The following CNP variants were observed in gnomAD, a reference collection of about 807,000 sequenced individuals.
The protein encoded by CNP is 2',3'-cyclic nucleotide 3' phosphodiesterase.
Under a neutral mutation model 37.9 loss-of-function variants are expected in CNP, and 8 were observed. That is an observed-to-expected ratio of 0.21 (90% CI 0.12 to 0.38). The LOEUF (loss-of-function observed/expected upper bound fraction) is 0.38. Among genes scored for constraint, CNP ranks in the 10% least tolerant of loss-of-function variants. The pLI, the probability that CNP is intolerant of heterozygous loss-of-function variation, is 1.00. For synonymous variants in CNP, 237 were observed against 238.3 expected (o/e 0.99, Z 0.05); for missense variants, 457 against 551.0 (o/e 0.83, Z 1.71).
rs2050998061 is a variant in CNP, at chr17:41,972,043, C to T, written c.816+12C>T. ...ACGCTCAACAAGATGTGAGTCTTCC[C>T]CAGGGACACATGGGGGAGGTGGGAG... On this transcript the variant is annotated intron_variant, in intron 3 of 3. Coordinates refer to ENST00000393892, the MANE Select transcript of CNP (RefSeq NM_033133.5). 1.2e-6 allele frequency: 2 copies of T among 1,612,808 alleles called. No homozygotes were observed.
rs1290231146 is a variant in CNP, at chr17:41,974,885, G to C, written c.*961G>C. ...CCATCTTGCCTCCATGGTGCCTCTG[G>C]AGGCCTCTGGGCCTCCTCTAACAGG... is the stretch of plus-strand genomic sequence containing the variant. On this transcript the variant is annotated 3_prime_UTR_variant, in exon 4 of 4. Transcript: ENST00000393892. 1 of 152,272 alleles carries C rather than the reference G, an allele frequency of 6.6e-6. No individual in the cohort carries two copies. The highest frequency in any genetic ancestry group is 2.4e-5 in the African/African-American group (1 of 41,436). 9.4% of individuals were successfully genotyped at this position (152,272 alleles called of 1,614,324 possible).
Position 41,971,993 on chromosome 17 carries a change from G to A in CNP, c.778G>A (p.Gly260Arg). 1.2e-6 allele frequency: 2 copies of A among 1,613,936 alleles called. No individual in the cohort carries two copies. The highest frequency in any genetic ancestry group is 2.2e-5 in the East Asian group (1 of 44,862). The change falls in exon 3 of 4, where the codon GGG becomes AGG. Residue 260 changes from glycine (G) to arginine (R), a missense_variant. Around this residue, in one of 2 missense-constraint regions of CNP, gnomAD observed 291 missense variants for 291.7 expected, o/e 1.00. Coordinates refer to ENST00000393892, the MANE Select transcript of CNP (RefSeq NM_033133.5). Reference sequence around the variant, plus strand: ...TTGCACAACCAAGTTTTGTGACTACGGGAAGGCTCCCGGGGCAGAGGAGTA... The same window carrying A: ...TTGCACAACCAAGTTTTGTGACTACAGGAAGGCTCCCGGGGCAGAGGAGTA... ...LHCTTKFCDY[G>R]KAPGAEEYAQ...
chr17:41,971,851 C>T (rs369664943), intron 2 of CNP, 41 bp from the exon 3 acceptor site: 3 of 1,611,486 alleles, frequency 1.9e-6, no homozygotes, highest in East Asian at 2.2e-5. Flanking sequence ...TTGGTATGCC[C>T]CTGCTCCCCT....
At chr17:41,972,124 G>C (rs2050999342) in intron 3 of CNP, 93 bp downstream of exon 3, 2 of 1,496,920 alleles carry the variant, frequency 1.3e-6, no homozygotes, top group African/African-American at 1.4e-5. Context: ...TGCCAGGCAG[G>C]GACCAAAAAC....
intron 1 of CNP, chr17:41,967,569 T>G: frequency 1.3e-6 from 1 of 786,976 alleles, no homozygotes; most frequent in South Asian, 5.4e-5. Flanking sequence ...CCACCAGCCC[T>G]TCTGTGGGAC....
chr17:41,973,593 G>A lies in CNP; in HGVS notation c.935G>A (p.Ser312Asn). 1 of 1,614,248 alleles carries A rather than the reference G, an allele frequency of 6.2e-7. No homozygotes were observed. Residue 312 changes from serine to asparagine, a missense_variant, in exon 4 of 4, where the codon AGT (serine) becomes AAT (asparagine). Around this residue, in one of 2 missense-constraint regions of CNP, gnomAD observed 291 missense variants for 291.7 expected, o/e 1.00. Coordinates refer to ENST00000393892, the MANE Select transcript of CNP (RefSeq NM_033133.5). ...LSEQQLQLWP[S>N]DVDKLSPTDN... ...GAGCAGCAACTGCAGTTGTGGCCGA[G>A]TGATGTGGACAAGCTGTCACCCACT...
chr17:41,969,515 C>T (rs2144561277), intron 2 of CNP, among the ~76,000 whole-genome samples: 1 of 152,260 alleles, frequency 6.6e-6, no homozygotes, highest in African/African-American at 2.4e-5. Flanking sequence ...CCCACTAATC[C>T]ATCTATATGC....
At chr17:41,967,172 G>T (rs947155234) in intron 1 of CNP, among the ~76,000 whole-genome samples, 2 of 152,066 alleles carry the variant, frequency 1.3e-5, no homozygotes, top group Admixed American at 1.3e-4. Context: ...CCGGGAGCCC[G>T]GGAGCTGCTC....
In CNP at chr17:41,977,553, C is replaced by T. The variant is rs1555645186; in HGVS notation, c.*3629C>T. 2.5e-6 allele frequency: 1 copy of T among 400,894 alleles called. No homozygotes were observed. The highest frequency in any genetic ancestry group is 4.5e-6 in the Non-Finnish European group (1 of 222,142). 24.8% of individuals were successfully genotyped at this position (400,894 alleles called of 1,614,324 possible). ...GTTCCCTTCTCCTTCCAACTGCTGCCCCAAAGGAAGCTTTCTCTGCTTCAG... is the reference window on the plus strand; with the variant it reads ...GTTCCCTTCTCCTTCCAACTGCTGCTCCAAAGGAAGCTTTCTCTGCTTCAG... On this transcript the variant is annotated 3_prime_UTR_variant, in exon 4 of 4. Coordinates refer to ENST00000393892, the MANE Select transcript of CNP (RefSeq NM_033133.5).
chr17:41,973,681 C>T lies in CNP; in HGVS notation c.1023C>T (p.Ala341=), dbSNP rs782770728. Residue 341 remains alanine (A), a synonymous_variant, in exon 4 of 4, where the codon GCC becomes GCT. Coordinates refer to ENST00000393892, the MANE Select transcript of CNP (RefSeq NM_033133.5). ...TCGGCTGTGCAGCTGACGTAGAGGC[C>T]GTGCAGACGGGCCTTGACCTCTTAG... is the stretch of plus-strand genomic sequence containing the variant. ...ITLGCAADVE[A]VQTGLDLLEI... 4.2e-5 allele frequency: 68 copies of T among 1,613,690 alleles called. No homozygotes were observed. The highest frequency in any genetic ancestry group is 1.3e-4 in the South Asian group (12 of 91,042).
intron 2 of CNP, chr17:41,971,283 G>C (rs2050984139): frequency 1.3e-5 from 2 of 152,360 alleles, no homozygotes. Flanking sequence ...TTGAGACGTG[G>C]TGCTAGTAAA....
chr17:41,972,758 T>C (rs1027642873), intron 3 of CNP, among the ~76,000 whole-genome samples: 1 of 152,222 alleles, frequency 6.6e-6, no homozygotes, highest in Non-Finnish European at 1.5e-5. Flanking sequence ...GGAATGAATA[T>C]GTAACACCTG....
chr17:41,966,997 G>C, intron 1 of CNP, 110 bp downstream of exon 1: 3 of 1,203,434 alleles, frequency 2.5e-6, no homozygotes, highest in South Asian at 5.7e-5. Context: ...CTCCGGGTTC[G>C]ACTTCCAGTT....
In CNP at chr17:41,968,801, AG is replaced by A. The variant is rs2050941745; in HGVS notation, c.676+63del. 4.0e-6 allele frequency: 6 copies of A among 1,505,612 alleles called. No homozygotes were observed. In the African/African-American group the frequency reaches 4.2e-5, roughly 11 times the overall value. The allele number at this position is 1,505,612 out of a possible 1,614,324, so 93.3% of individuals were successfully genotyped here. A position where few individuals can be genotyped will look rare whatever the true frequency, so the allele number is the denominator to read the frequency against. On this transcript the variant is annotated intron_variant, in intron 2 of 3. Transcript: ENST00000393892. This position sits in a 1 kb window ranked among gnomAD's most constrained non-coding sequence, Gnocchi z 4.8. ...GCTGGGCACAGGGTGCTGCGGGCAAAGGACCATCATTGTACTCAAAGGATGG... is the reference window on the plus strand; with the variant it reads ...GCTGGGCACAGGGTGCTGCGGGCAAAGACCATCATTGTACTCAAAGGATGG...
rs781916228 is a variant in CNP, at chr17:41,973,525, C to A, written c.867C>A (p.Leu289=). The A allele has an allele frequency of 2.5e-5, 41 of 1,614,138 alleles. No individual in the cohort carries two copies. The highest frequency in any genetic ancestry group is 3.2e-5 in the Non-Finnish European group (38 of 1,180,056). ...CCTTCACGCTGACCATCTCTGCCCT[C>A]TTTGTGACACCCAAGACGACTGGGG... The part of the protein sequence containing the change: ...SKAFTLTISA[L]FVTPKTTGAR... Residue 289 remains leucine (L), a synonymous_variant, in exon 4 of 4, where the codon CTC becomes CTA. Transcript: ENST00000393892.
In CNP at chr17:41,974,090, C is replaced by T. The variant is rs781810842; in HGVS notation, c.*166C>T. On this transcript the variant is annotated 3_prime_UTR_variant, in exon 4 of 4. Transcript: ENST00000393892. The stretch of plus-strand genomic sequence containing the variant: ...AAATAACTGACCCTCCCTTCCTGTC[C>T]GCCCTCTTCCCCTCTAATGCTCACG... The T allele has an allele frequency of 4.8e-5, 27 of 564,286 alleles. No homozygotes were observed. The highest frequency in any genetic ancestry group is 1.5e-4 in the Admixed American group (4 of 25,872). The allele number at this position is 564,286 out of a possible 1,614,324, so 35.0% of individuals were successfully genotyped here.
chr17:41,972,281 G>A (rs907667134), intron 3 of CNP, among the ~76,000 whole-genome samples: 3 of 151,888 alleles, frequency 2.0e-5, no homozygotes, highest in South Asian at 2.1e-4. Flanking sequence ...AAGCACCTTC[G>A]CCTTCTGCAG....
chr17:41,969,034 T>C (rs932208158), intron 2 of CNP, among the ~76,000 whole-genome samples: 16 of 152,182 alleles, frequency 1.1e-4, no homozygotes, highest in Non-Finnish European at 1.8e-4. Flanking sequence ...CTGTCCCTTG[T>C]CTTGGAGGTG....
chr17:41,971,655 C>T (rs2050991845), intron 2 of CNP: 2 of 352,278 alleles, frequency 5.7e-6, no homozygotes, highest in Non-Finnish European at 5.2e-6. Flanking sequence ...ACCTCGGCCT[C>T]CCAGAGTGCT....
Sources: gnomAD v4.1 joint callset for allele counts (sites outside exome capture counted in the v4.1 genomes callset) on GRCh38, gnomAD v4.1.1 for gene constraint, gnomAD v4.1.1 regional missense constraint, Gnocchi (gnomAD v3.1) non-coding constraint, MANE v1.5 for transcripts, NCBI Gene and HGNC (gene_info 2026-07-23, HGNC 2026-07-21) for gene names.